Variants in EFHD1 observed in about 807,000 individuals in gnomAD.
EFHD1 encodes EF-hand domain-containing protein D1.
Under a neutral mutation model 17.2 loss-of-function variants are expected in EFHD1, and 10 were observed. The ratio of observed to expected loss-of-function variants is 0.58; its 90% CI spans 0.36 to 0.99. The LOEUF (loss-of-function observed/expected upper bound fraction) is 0.99. Among genes scored for constraint, EFHD1 ranks in the 50% least tolerant of loss-of-function variants. EFHD1 has a pLI of 0.01. For synonymous variants in EFHD1, 153 were observed against 142.0 expected (o/e 1.08, Z -0.55); for missense variants, 310 against 327.5 (o/e 0.95, Z 0.41).
chr2:232,613,629 CACATAT>C (rs1405938062), intron 1 of EFHD1, among the ~76,000 whole-genome samples: 1 of 138,206 alleles, frequency 7.2e-6, no homozygotes, highest in East Asian at 2.0e-4. Context: ...CACACACACA[CACATAT>C]ACACACACAT....
intron 1 of EFHD1, among the ~76,000 whole-genome samples, chr2:232,617,830 T>G (rs1693955788): frequency 6.7e-6 from 1 of 150,136 alleles, no homozygotes; most frequent in African/African-American, 2.5e-5. Context: ...GTGCCTGTAA[T>G]CCCAGCTACT....
At chr2:232,614,692 T>C (rs923217852) in intron 1 of EFHD1, among the ~76,000 whole-genome samples, 1 of 152,298 alleles carries the variant, frequency 6.6e-6, no homozygotes. Context: ...TAAAAATCAT[T>C]TGGCCAGGCG....
At chr2:232,639,830 T>G (rs773233982) in intron 1 of EFHD1, among the ~76,000 whole-genome samples, 24 of 152,174 alleles carry the variant, frequency 1.6e-4, no homozygotes, top group Non-Finnish European at 3.2e-4. Context: ...GTCTTTAGCT[T>G]TAGACTTCAC....
At chr2:232,638,260 A>G (rs1694355692) in intron 1 of EFHD1, 1 of 448,132 alleles carries the variant, frequency 2.2e-6, no homozygotes, top group South Asian at 1.6e-5. Context: ...CAATGAGGGC[A>G]GCCACTTAAA....
intron 3 of EFHD1, among the ~76,000 whole-genome samples, chr2:232,674,610 GCCT>G (rs1695138333): frequency 6.6e-6 from 1 of 152,144 alleles, no homozygotes; most frequent in African/African-American, 2.4e-5. Context: ...TTATAGGTCT[GCCT>G]CCTCACCCAG....
upstream of EFHD1, among the ~76,000 whole-genome samples, chr2:232,632,827 T>A (rs1345346896): frequency 6.6e-6 from 1 of 152,176 alleles, no homozygotes; most frequent in Non-Finnish European, 1.5e-5. Flanking sequence ...AGTCTAACTA[T>A]GTTGCCCAGT....
chr2:232,641,535 CT>C (rs1030027644), intron 1 of EFHD1, among the ~76,000 whole-genome samples: 5 of 152,166 alleles, frequency 3.3e-5, no homozygotes, highest in Admixed American at 3.3e-4. Flanking sequence ...CAAAGTTGTT[CT>C]GTTAAGGGTC....
upstream of EFHD1, chr2:232,633,392 G>A: frequency 9.1e-7 from 1 of 1,104,042 alleles, no homozygotes; most frequent in South Asian, 3.7e-5. Context: ...TGGTCCCGGG[G>A]GGACGGTCAG....
chr2:232,670,961 A>C (rs1335586625), intron 2 of EFHD1, among the ~76,000 whole-genome samples: 1 of 152,238 alleles, frequency 6.6e-6, no homozygotes, highest in African/African-American at 2.4e-5. Context: ...TTTTTAAAAA[A>C]TAGTATATAC....
chr2:232,622,566 G>A (rs989119543), intron 1 of EFHD1, among the ~76,000 whole-genome samples: 6 of 152,130 alleles, frequency 3.9e-5, no homozygotes, highest in Non-Finnish European at 8.8e-5. Context: ...AGCCTGGGTC[G>A]GATTTGTGTG....
intron 1 of EFHD1, chr2:232,606,483 A>G: frequency 3.9e-6 from 2 of 507,424 alleles, no homozygotes; most frequent in Non-Finnish European, 7.2e-6. Flanking sequence ...TGAATGAGGA[A>G]GGTTTCTTTT....
upstream of EFHD1, chr2:232,633,370 AG>A (rs1256909182): frequency 1.8e-5 from 16 of 874,500 alleles, no homozygotes; most frequent in Non-Finnish European, 2.2e-5. Flanking sequence ...AGTTGATCCG[AG>A]GGTCCCTGCC....
At chr2:232,641,197 A>C (rs1039362037) in intron 1 of EFHD1, among the ~76,000 whole-genome samples, 3 of 151,838 alleles carry the variant, frequency 2.0e-5, no homozygotes, top group African/African-American at 7.3e-5. Context: ...CACGACCACC[A>C]TGCCCAGCTA....
chr2:232,631,700 A>C (rs571834982), upstream of EFHD1, among the ~76,000 whole-genome samples: 4 of 140,540 alleles, frequency 2.8e-5, no homozygotes, highest in East Asian at 2.0e-4. Context: ...TTAAAAAAAA[A>C]AAAAAACAAA....
At chr2:232,654,218 A>G (rs1361239827) in intron 1 of EFHD1, among the ~76,000 whole-genome samples, 2 of 151,048 alleles carry the variant, frequency 1.3e-5, no homozygotes, top group African/African-American at 2.4e-5. Context: ...AAAAAAAAAA[A>G]AAAAGAAAAG....
chr2:232,681,875 A>C lies in EFHD1; in HGVS notation c.*156A>C. On this transcript the variant is annotated 3_prime_UTR_variant, in exon 4 of 4. Coordinates refer to ENST00000264059, the MANE Select transcript of EFHD1 (RefSeq NM_025202.4). ...TCCCGTGCCAGCCTTCATTCCTCCCAGTGTCCAAGCCCCTCCAGGAGGGTC... is the reference window on the plus strand; with the variant it reads ...TCCCGTGCCAGCCTTCATTCCTCCCCGTGTCCAAGCCCCTCCAGGAGGGTC... The C allele has an allele frequency of 8.1e-7, 1 of 1,232,670 alleles. No individual in the cohort carries two copies. Among genetic ancestry groups the C allele is most frequent in the Admixed American group, 2.8e-5 (1 of 36,108 alleles). 76.4% of individuals were successfully genotyped at this position (1,232,670 alleles called of 1,614,324 possible). A position where few individuals can be genotyped will look rare whatever the true frequency, so the allele number is the denominator to read the frequency against.
chr2:232,678,972 C>T (rs77513997), intron 3 of EFHD1, among the ~76,000 whole-genome samples: 4,946 of 152,172 alleles, frequency 0.033, 183 homozygotes, highest in East Asian at 0.21. Flanking sequence ...GATCCTTTTG[C>T]GGTTCATAAT....
At chr2:232,651,920 G>C (rs1694662034) in intron 1 of EFHD1, among the ~76,000 whole-genome samples, 1 of 138,186 alleles carries the variant, frequency 7.2e-6, no homozygotes. Context: ...TGAAAATCAA[G>C]TCTCACTTCC....
At chr2:232,681,300 CTG>C (rs1559359523) in intron 3 of EFHD1, among the ~76,000 whole-genome samples, 4 of 152,004 alleles carry the variant, frequency 2.6e-5, no homozygotes, top group Non-Finnish European at 5.9e-5. Flanking sequence ...GGATGTTAAA[CTG>C]TATCCTGAAA....
Sources: allele counts gnomAD v4.1 joint callset (sites outside exome capture counted in the v4.1 genomes callset), GRCh38; gene constraint gnomAD v4.1.1; transcripts MANE v1.5; gene names NCBI Gene and HGNC (gene_info 2026-07-23, HGNC 2026-07-21).